PTPRF: variants seen among roughly 807,000 people sequenced by gnomAD.
PTPRF encodes the protein protein tyrosine phosphatase receptor type F, also known as receptor-type tyrosine-protein phosphatase F.
In PTPRF, 59 loss-of-function variants were observed where a neutral mutation model predicts 201.8. The ratio of observed to expected loss-of-function variants is 0.29; its 90% CI spans 0.24 to 0.36. The LOEUF (loss-of-function observed/expected upper bound fraction) is 0.36, where lower values mean the gene tolerates loss of function less well. Among genes scored for constraint, PTPRF ranks in the 10% least tolerant of loss-of-function variants. The pLI is 1.00. For synonymous variants in PTPRF, 1,088 were observed against 1,089.7 expected, an observed-to-expected ratio of 1.00 and a Z score of 0.03; for missense variants, 2,132 against 2,690.5, an observed-to-expected ratio of 0.79 and a Z score of 4.59.
chr1:43,577,331 G>C (rs752810116), intron 6 of PTPRF, among the ~76,000 whole-genome samples: 4 of 152,210 alleles, frequency 2.6e-5, no homozygotes, highest in Non-Finnish European at 5.9e-5. Context: ...CATCAGGGCT[G>C]CTCTTAAAGG....
chr1:43,589,010 G>A lies in PTPRF; in HGVS notation c.949+10G>A. 6.5e-7 allele frequency: 1 copy of A among 1,539,226 alleles called. No homozygotes were observed. Among genetic ancestry groups the A allele is most frequent in the Non-Finnish European group, 8.8e-7 (1 of 1,137,482 alleles). ...CAGGTCACAGTGAAAGGTGAGTGTGGCAGGTGCTGTAACCAGTGCCCTCCC... is the reference window on the plus strand; with the variant it reads ...CAGGTCACAGTGAAAGGTGAGTGTGACAGGTGCTGTAACCAGTGCCCTCCC... On this transcript the variant is annotated intron_variant, in intron 8 of 33. Coordinates refer to ENST00000359947, the MANE Select transcript of PTPRF (RefSeq NM_002840.5).
Position 43,618,552 on chromosome 1 carries a change from G to A in PTPRF, c.4372-78G>A, listed in dbSNP as rs1289475113. 5 of 1,528,874 alleles carry A rather than the reference G, an allele frequency of 3.3e-6. No individual in the cohort carries two copies. In the South Asian group the frequency reaches 3.7e-5, roughly 11 times the overall value. The allele number at this position is 1,528,874 out of a possible 1,614,324, so 94.7% of individuals were successfully genotyped here. Reference sequence around the variant, plus strand: ...TAGCCAGAAAGGCTACAGCCAGGGAGTTGACCAGCCTCCACCCTGCTTCTG... The same window carrying A: ...TAGCCAGAAAGGCTACAGCCAGGGAATTGACCAGCCTCCACCCTGCTTCTG... On this transcript the variant is annotated intron_variant, in intron 25 of 33. Coordinates refer to ENST00000359947, the MANE Select transcript of PTPRF (RefSeq NM_002840.5).
chr1:43,575,038 A>T (rs1646831364), intron 6 of PTPRF, among the ~76,000 whole-genome samples: 1 of 152,240 alleles, frequency 6.6e-6, no homozygotes, highest in African/African-American at 2.4e-5. Flanking sequence ...GGAAGCAGGC[A>T]GCAGGGCAGG....
Position 43,553,962 on chromosome 1 carries a change from G to T in PTPRF, c.379+21G>T. On this transcript the variant is annotated intron_variant, in intron 5 of 33. Transcript: ENST00000359947. This position sits in a 1 kb window ranked among gnomAD's most constrained non-coding sequence, Gnocchi z 4.1. The stretch of plus-strand genomic sequence containing the variant: ...CGAAGGTACGTGCTAGGGAGACGTG[G>T]CACGGTGGGCTGCCGGGCTGAGGCG... The T allele has an allele frequency of 1.2e-6, 2 of 1,611,912 alleles. No homozygotes were observed. The highest frequency in any genetic ancestry group is 1.7e-6 in the Non-Finnish European group (2 of 1,178,348).
rs184345908 is a variant in PTPRF at position 43,593,597 on chromosome 1, G to A, written c.1813+996G>A. On this transcript the variant is annotated intron_variant, in intron 11 of 33. Coordinates refer to ENST00000359947, the MANE Select transcript of PTPRF (RefSeq NM_002840.5). ...GCCATGTGATGACCAGAAACATGGC[G>A]GTGTCTGAAGTGGTCCTTATGAAGT... 8.5e-5 allele frequency among the ~76,000 whole-genome samples: 13 copies of A among 152,352 alleles called. No individual in the cohort carries two copies. The East Asian group carries it at 9.7e-4, about 11-fold the overall frequency.
chr1:43,618,889 C>G, intron 26 of PTPRF, 140 bp downstream of exon 26: 1 of 1,440,468 alleles, frequency 6.9e-7, no homozygotes, highest in South Asian at 1.3e-5. Flanking sequence ...ATGTGATGAT[C>G]CATGTTATGG....
At chr1:43,602,983 C>G (rs1654137078) in intron 14 of PTPRF, among the ~76,000 whole-genome samples, 1 of 152,186 alleles carries the variant, frequency 6.6e-6, no homozygotes, top group African/African-American at 2.4e-5. Context: ...TCTGTCTGTG[C>G]ATGCATGCAC....
chr1:43,606,255 G>A lies in PTPRF; in HGVS notation c.3499G>A (p.Glu1167Lys), dbSNP rs373597673. Residue 1167 changes from glutamate (E) to lysine (K), a missense_variant, in exon 20 of 34, where the codon GAG becomes AAG. This residue lies in a region of PTPRF where 818 missense variants were observed against 915.3 expected (regional missense o/e 0.89). Coordinates refer to ENST00000359947, the MANE Select transcript of PTPRF (RefSeq NM_002840.5). Reference sequence around the variant, plus strand: ...GCTCTGCCAGCTTCTAGAAGCCATCGAGCAAGGCGGAGAGGAGCAGCGGCG... The same window carrying A: ...GCTCTGCCAGCTTCTAGAAGCCATCAAGCAAGGCGGAGAGGAGCAGCGGCG... ...LELDELLEAI[E>K]QGGEEQRRRR... is the part of the protein sequence containing the mutation. The A allele has an allele frequency of 1.4e-5, 23 of 1,613,346 alleles. No individual in the cohort carries two copies. The highest frequency in any genetic ancestry group is 1.1e-4 in the East Asian group (5 of 44,888).
chr1:43,540,941 T>G (rs886395140), intron 2 of PTPRF, among the ~76,000 whole-genome samples: 1 of 152,272 alleles, frequency 6.6e-6, no homozygotes, highest in African/African-American at 2.4e-5. Context: ...AAGGCCTGTT[T>G]CCGCCTCCGC....
rs1370176930 is a variant in PTPRF, at chr1:43,621,940, G to A, written c.5661G>A (p.Gln1887=). Residue 1887 remains glutamine, a synonymous_variant, in exon 34 of 34, where the codon CAG becomes CAA. Coordinates refer to ENST00000359947, the MANE Select transcript of PTPRF (RefSeq NM_002840.5). ...QRPAMVQTED[Q]YQLCYRAALE... The stretch of plus-strand genomic sequence containing the variant: ...CCAGCCCCCTATCCTGGCAGGACCA[G>A]TATCAGCTGTGCTACCGTGCGGCCC... The A allele has an allele frequency of 6.2e-7, 1 of 1,614,060 alleles. No homozygotes were observed. Among genetic ancestry groups the A allele is most frequent in the Non-Finnish European group, 8.5e-7 (1 of 1,180,030 alleles).
chr1:43,616,898 G>T (rs1657990754), intron 23 of PTPRF, among the ~76,000 whole-genome samples: 2 of 152,162 alleles, frequency 1.3e-5, no homozygotes, highest in South Asian at 4.1e-4. Context: ...AGGAACCCTG[G>T]AGGAGCTCTG....
In PTPRF at chr1:43,580,632, C is replaced by T. The variant is rs572088927; in HGVS notation, c.679+1712C>T. Among the ~76,000 whole-genome samples the T allele has an allele frequency of 3.9e-5, 6 of 152,344 alleles. No individual in the cohort carries two copies. The South Asian group carries it at 8.3e-4, about 21-fold the overall frequency. On this transcript the variant is annotated intron_variant, in intron 7 of 33. Coordinates refer to ENST00000359947, the MANE Select transcript of PTPRF (RefSeq NM_002840.5). ...GCACAGCCTTGGCCCCACCCTGCCC[C>T]AGGCAGAGTGTCTGGCAGGCATTGG...
intron 9 of PTPRF, 85 bp from the exon 10 acceptor site, chr1:43,591,727 G>T (rs1423260462): frequency 6.5e-7 from 1 of 1,546,652 alleles, no homozygotes; most frequent in Admixed American, 1.8e-5. Context: ...GTGAGGTTAG[G>T]ACCTGACTTC....
chr1:43,559,717 G>C (rs1645658892), intron 5 of PTPRF, among the ~76,000 whole-genome samples: 1 of 151,338 alleles, frequency 6.6e-6, no homozygotes, highest in Admixed American at 6.6e-5. Flanking sequence ...GTGTGCGGCA[G>C]GCTGTGTGTA....
At chr1:43,599,325 C>T (rs1327327577) in intron 13 of PTPRF, among the ~76,000 whole-genome samples, 1 of 152,196 alleles carries the variant, frequency 6.6e-6, no homozygotes, top group Non-Finnish European at 1.5e-5. Context: ...ATCCGCCTGC[C>T]TCAGTCTCCC....
chr1:43,621,282 G>T, intron 33 of PTPRF, 50 bp downstream of exon 33: 1 of 1,599,280 alleles, frequency 6.3e-7, no homozygotes, highest in Non-Finnish European at 8.5e-7. Flanking sequence ...AGCGCTGCTG[G>T]GAACCCTAGG....
At position 43,591,137 on chromosome 1, in the gene PTPRF, C is replaced by A; in HGVS notation, c.1115C>A (p.Thr372Asn). The A allele has an allele frequency of 6.2e-7, 1 of 1,613,640 alleles. No homozygotes were observed. The highest frequency in any genetic ancestry group is 8.5e-7 in the Non-Finnish European group (1 of 1,180,032). ...PFQEVDGVAT[T>N]RYSIGGLSPF... ...CAGGAGGTGGATGGTGTGGCCACCA[C>A]CCGCTACAGCATTGGCGGCCTCAGC... The change falls in exon 9 of 34, where the codon ACC (threonine) becomes AAC (asparagine). Residue 372 changes from threonine (T) to asparagine (N), a missense_variant. Coordinates refer to ENST00000359947, the MANE Select transcript of PTPRF (RefSeq NM_002840.5).
At chr1:43,543,074 G>A (rs773581972) in intron 2 of PTPRF, among the ~76,000 whole-genome samples, 5 of 152,136 alleles carry the variant, frequency 3.3e-5, no homozygotes, top group Non-Finnish European at 7.4e-5. Context: ...CAACACAGCT[G>A]TTGAGTTATA....
At position 43,597,881 on chromosome 1, in the gene PTPRF, G is replaced by A. The variant is rs1652764629; in HGVS notation, c.1947G>A (p.Val649=). 2 of 1,608,040 alleles carry A rather than the reference G, an allele frequency of 1.2e-6. No homozygotes were observed. Among genetic ancestry groups the A allele is most frequent in the African/African-American group, 1.3e-5 (1 of 74,898 alleles). Residue 649 remains valine, a synonymous_variant, in exon 12 of 34, where the codon GTG becomes GTA. Coordinates refer to ENST00000359947, the MANE Select transcript of PTPRF (RefSeq NM_002840.5). Reference sequence around the variant, plus strand: ...AGTACTCCGTGGCCTACGAGGCGGTGGACGGCGAGGACCGCGGGCGGCATG... The same window carrying A: ...AGTACTCCGTGGCCTACGAGGCGGTAGACGGCGAGGACCGCGGGCGGCATG... ...ITQYSVAYEA[V]DGEDRGRHVV... is the part of the protein sequence containing the mutation.
Sources: gnomAD v4.1 joint callset for allele counts (sites outside exome capture counted in the v4.1 genomes callset) on GRCh38, gnomAD v4.1.1 for gene constraint, gnomAD v4.1.1 regional missense constraint, Gnocchi (gnomAD v3.1) non-coding constraint, MANE v1.5 for transcripts, NCBI Gene and HGNC (gene_info 2026-07-23, HGNC 2026-07-21) for gene names.